The following NLRC4 variants were observed in gnomAD, a reference collection of about 807,000 sequenced individuals.
The protein encoded by NLRC4 is NLR family CARD domain containing 4.
A neutral mutation model predicts 79.9 loss-of-function variants in NLRC4; 63 were observed. That is an observed-to-expected ratio of 0.79 (90% CI 0.64 to 0.97). NLRC4 has a LOEUF of 0.97. NLRC4 is among the 50% of genes least tolerant of loss of function. The pLI is 0.00. For synonymous variants in NLRC4, 461 were observed against 456.5 expected, an observed-to-expected ratio of 1.01 and a Z score of -0.12; for missense variants, 1,074 against 1,215.2, an observed-to-expected ratio of 0.88 and a Z score of 1.73.
At position 32,249,745 on chromosome 2, in the gene NLRC4, C is replaced by T. The variant is rs1313109069; in HGVS notation, c.2119G>A (p.Val707Ile). 1 of 1,614,200 alleles carries T rather than the reference C, an allele frequency of 6.2e-7. No individual in the cohort carries two copies. The highest frequency in any genetic ancestry group is 2.2e-5 in the East Asian group (1 of 44,884). ...TAAATGTTCTTACAGGTGCTGAGGA[C>T]CAAACTGAGGCTTCCAGCCACACCA... ...CAGVAGSLSL[V>I]LSTCKNIYSL... The change falls in exon 4 of 9, where the codon GTC (valine) becomes ATC (isoleucine). Residue 707 changes from valine to isoleucine, a missense_variant. Physicochemically the swap from Val to Ile is conservative, Grantham distance 29 (BLOSUM62 3). Transcript: ENST00000402280.
At chr2:32,231,273 G>T (rs938140642) in intron 8 of NLRC4, among the ~76,000 whole-genome samples, 25 of 152,072 alleles carry the variant, frequency 1.6e-4, no homozygotes, top group African/African-American at 6.0e-4. Flanking sequence ...TTCTGCCTCA[G>T]CCTCCAGAGT....
chr2:32,238,663 G>GC (rs1229770230), intron 5 of NLRC4, among the ~76,000 whole-genome samples: 15 of 89,288 alleles, frequency 1.7e-4, no homozygotes, highest in African/African-American at 4.7e-4. Context: ...ATCTTAAACA[G>GC]CGGGGGGGCT....
At chr2:32,247,259 C>T (rs1686958214) in intron 4 of NLRC4, among the ~76,000 whole-genome samples, 1 of 151,716 alleles carries the variant, frequency 6.6e-6, no homozygotes. Flanking sequence ...GGGGTGCTCG[C>T]AGGAGAAGGA....
In NLRC4 at chr2:32,251,002, G is replaced by C. The variant is rs747147167; in HGVS notation, c.862C>G (p.Arg288Gly). The C allele has an allele frequency of 2.8e-5, 45 of 1,614,180 alleles. No homozygotes were observed. The highest frequency in any genetic ancestry group is 3.7e-5 in the Non-Finnish European group (44 of 1,180,030). The change falls in exon 4 of 9, where the codon CGG becomes GGG. Residue 288 changes from arginine (R) to glycine (G), a missense_variant. Arg to Gly is a moderately radical substitution (Grantham distance 125). Transcript: ENST00000402280. ...TTTTECLRHI[R>G]QFGALTAEVG... ...TCAGCAGTCAGGGCACCAAACTGCCGTATGTGCCTCAGGCACTCAGTGGTA... is the reference window on the plus strand; with the variant it reads ...TCAGCAGTCAGGGCACCAAACTGCCCTATGTGCCTCAGGCACTCAGTGGTA...
chr2:32,249,299 T>C (rs1299775116), intron 4 of NLRC4, among the ~76,000 whole-genome samples: 1 of 152,238 alleles, frequency 6.6e-6, no homozygotes, highest in Non-Finnish European at 1.5e-5. Context: ...ATGGGTTGTA[T>C]GTTACATGCA....
chr2:32,237,728 AG>A (rs1686705190), intron 6 of NLRC4, among the ~76,000 whole-genome samples: 1 of 152,244 alleles, frequency 6.6e-6, no homozygotes, highest in Non-Finnish European at 1.5e-5. Flanking sequence ...TCATCTTAAC[AG>A]GGCAATGGGT....
At position 32,238,666 on chromosome 2, in the gene NLRC4, G is replaced by T. The variant is rs190707703; in HGVS notation, c.2351-364C>A. Among the ~76,000 whole-genome samples the T allele has an allele frequency of 5.8e-4, 88 of 151,504 alleles. 2 individuals are homozygous for T. Among genetic ancestry groups the T allele is most frequent in the Middle Eastern group, 3.2e-3 (1 of 314 alleles). ...ATCTTCTCAAAAATCTTAAACAGCG[G>T]GGGGGCTGAGTTCAGGGAGGTAGAT... is the stretch of plus-strand genomic sequence containing the variant. On this transcript the variant is annotated intron_variant, in intron 5 of 8. Transcript: ENST00000402280.
intron 1 of NLRC4, among the ~76,000 whole-genome samples, chr2:32,263,047 T>C (rs1029581594): frequency 1.3e-5 from 2 of 152,110 alleles, no homozygotes; most frequent in Admixed American, 6.5e-5. Flanking sequence ...ATTCTAAAAT[T>C]GGCATTTTCT....
chr2:32,258,026 T>C (rs181109846), intron 1 of NLRC4, among the ~76,000 whole-genome samples: 5 of 152,300 alleles, frequency 3.3e-5, no homozygotes, highest in Non-Finnish European at 5.9e-5. Flanking sequence ...TGCCTTGGTG[T>C]ACCGGAGGAA....
chr2:32,259,056 CAT>C (rs1275079711), intron 1 of NLRC4, among the ~76,000 whole-genome samples: 1 of 151,964 alleles, frequency 6.6e-6, no homozygotes, highest in Admixed American at 6.6e-5. Context: ...CTTGGGAACT[CAT>C]GTGGATGGGG....
chr2:32,262,499 G>A (rs902660980), intron 1 of NLRC4, among the ~76,000 whole-genome samples: 1 of 152,160 alleles, frequency 6.6e-6, no homozygotes, highest in Non-Finnish European at 1.5e-5. Flanking sequence ...TGTGGACCAG[G>A]CGTGGTGGTT....
rs563590187 is a variant in NLRC4, at chr2:32,253,905, G to A, written c.2-1226C>T. 9.5e-4 allele frequency among the ~76,000 whole-genome samples: 143 copies of A among 150,762 alleles called. 2 individuals are homozygous for A. The highest frequency in any genetic ancestry group is 3.4e-3 in the African/African-American group (139 of 40,708). On this transcript the variant is annotated intron_variant, in intron 2 of 8. Transcript: ENST00000402280. ...CTTGAACCTGGGAGGTGGAGGTTGC[G>A]GTGAGCCGAGATGGTGCCATTGCAC...
chr2:32,233,422 G>A (rs1029121887), intron 8 of NLRC4, among the ~76,000 whole-genome samples: 1 of 144,208 alleles, frequency 6.9e-6, no homozygotes, highest in African/African-American at 2.6e-5. Flanking sequence ...AAACTTCTGG[G>A]CTCAAGCAGT....
rs1442329398 is a variant in NLRC4 at position 32,234,946 on chromosome 2, G to C, written c.2782+455C>G. ...TTCTTTCATCAACTGCCTGAGGTTGGTGGTGTCTTCAGTCATTTATATAGA... is the reference window on the plus strand; with the variant it reads ...TTCTTTCATCAACTGCCTGAGGTTGCTGGTGTCTTCAGTCATTTATATAGA... On this transcript the variant is annotated intron_variant, in intron 8 of 8. Transcript: ENST00000402280. 3.3e-5 allele frequency among the ~76,000 whole-genome samples: 5 copies of C among 152,214 alleles called. No individual in the cohort carries two copies. The East Asian group carries it at 9.6e-4, about 29-fold the overall frequency.
chr2:32,251,216 G>C lies in NLRC4; in HGVS notation c.648C>G (p.Leu216=). 1 of 1,614,168 alleles carries C rather than the reference G, an allele frequency of 6.2e-7. No individual in the cohort carries two copies. The highest frequency in any genetic ancestry group is 8.5e-7 in the Non-Finnish European group (1 of 1,180,012). ...CAGGTATATCCAGGAGTTGATCACA[G>C]AGGGTTTCAAAAAGTCCACCCTGGG... ...SRAQGGLFET[L]CDQLLDIPGT... The change falls in exon 4 of 9, where the codon CTC becomes CTG. Residue 216 remains leucine, a synonymous_variant. Transcript: ENST00000402280.
At chr2:32,259,998 G>A (rs1687302181) in intron 1 of NLRC4, among the ~76,000 whole-genome samples, 1 of 152,088 alleles carries the variant, frequency 6.6e-6, no homozygotes. Flanking sequence ...GGAGGCCGAG[G>A]TGGGCGGATC....
chr2:32,249,609 G>A lies in NLRC4; in HGVS notation c.2255C>T (p.Pro752Leu), dbSNP rs147496633. ...SIHDLQNQRLPGGLTDSLGNL... is the reference protein window; with the variant it reads ...SIHDLQNQRLLGGLTDSLGNL... ...CAAACCACTGATATTTACAATACCC[G>A]GCAGCCGTTGATTCTGTAGGTCATG... Residue 752 changes from proline to leucine, a missense_variant and splice_region_variant, in exon 4 of 9, where the codon CCG becomes CTG. By Grantham distance (98) the Pro-to-Leu change is moderately conservative (BLOSUM62 -3). Transcript: ENST00000402280. 58 of 1,573,084 alleles carry A rather than the reference G, an allele frequency of 3.7e-5. No individual in the cohort carries two copies. In the African/African-American group the frequency reaches 6.0e-4, roughly 16 times the overall value.
rs753569393 is a variant in NLRC4 at position 32,251,357 on chromosome 2, C to T, written c.507G>A (p.Gly169=). The part of the protein sequence containing the change: ...QALQSPCIIE[G]ESGKGKSTLL... The stretch of plus-strand genomic sequence containing the variant: ...GAGTGGACTTGCCTTTGCCAGATTC[C>T]CCTTCAATGATGCAGGGGCTCTGAA... The change falls in exon 4 of 9, where the codon GGG becomes GGA. Residue 169 remains glycine (G), a synonymous_variant. Coordinates refer to ENST00000402280, the MANE Select transcript of NLRC4 (RefSeq NM_001199138.2). 1 of 1,614,112 alleles carries T rather than the reference C, an allele frequency of 6.2e-7. No individual in the cohort carries two copies.
At chr2:32,231,321 ATT>A (rs912989037) in intron 8 of NLRC4, among the ~76,000 whole-genome samples, 1 of 149,516 alleles carries the variant, frequency 6.7e-6, no homozygotes, top group Non-Finnish European at 1.5e-5. Context: ...CGCCCGGCTA[ATT>A]TTTTTGTATT....
Sources: allele counts gnomAD v4.1 joint callset (sites outside exome capture counted in the v4.1 genomes callset), GRCh38; gene constraint gnomAD v4.1.1; transcripts MANE v1.5; gene names NCBI Gene and HGNC (gene_info 2026-07-23, HGNC 2026-07-21).